Variants in PEBP4 observed in about 807,000 individuals in gnomAD.
PEBP4 encodes the protein phosphatidylethanolamine-binding protein 4.
Under a neutral mutation model 23.9 loss-of-function variants are expected in PEBP4, and 22 were observed. The observed-to-expected ratio is 0.92, with a 90% CI of 0.66 to 1.31. The LOEUF (loss-of-function observed/expected upper bound fraction) is 1.31. PEBP4 is among the 40% of genes most tolerant of loss of function. The pLI is 0.00. For missense variants in PEBP4, 324 were observed against 281.7 expected, an observed-to-expected ratio of 1.15 and a Z score of -1.07; for synonymous variants, 112 against 99.3, an observed-to-expected ratio of 1.13 and a Z score of -0.76.
At chr8:22,780,087 C>T (rs1204789743) in intron 4 of PEBP4, among the ~76,000 whole-genome samples, 1 of 151,904 alleles carries the variant, frequency 6.6e-6, no homozygotes, top group African/African-American at 2.4e-5. Flanking sequence ...TAGCTGGGAC[C>T]ACAGGTGCTG....
intron 4 of PEBP4, among the ~76,000 whole-genome samples, chr8:22,808,588 G>A (rs1181041810): frequency 1.3e-5 from 2 of 152,220 alleles, no homozygotes; most frequent in Non-Finnish European, 2.9e-5. Flanking sequence ...GACTAACTCA[G>A]TCTGGGGGTG....
intron 1 of PEBP4, among the ~76,000 whole-genome samples, chr8:22,933,108 T>C: frequency 6.6e-6 from 1 of 152,006 alleles, no homozygotes; most frequent in Admixed American, 6.6e-5. Context: ...AAGCCCCAGC[T>C]CTTCCTTAAA....
At chr8:22,885,595 A>T (rs1384812491) in intron 3 of PEBP4, 1 of 152,230 alleles carries the variant, frequency 6.6e-6, no homozygotes, top group African/African-American at 2.4e-5. Context: ...CTTCCGTTTC[A>T]GTGTGAAAAA....
At chr8:22,744,089 C>CA (rs1161279730) in intron 4 of PEBP4, among the ~76,000 whole-genome samples, 1 of 152,210 alleles carries the variant, frequency 6.6e-6, no homozygotes, top group Non-Finnish European at 1.5e-5. Context: ...CTGAGAGACT[C>CA]AAGTTGTTCT....
At chr8:22,913,613 C>T (rs1192674824) in intron 3 of PEBP4, among the ~76,000 whole-genome samples, 1 of 152,152 alleles carries the variant, frequency 6.6e-6, no homozygotes, top group African/African-American at 2.4e-5. Context: ...GAAGCATCTC[C>T]GGCACCTCCC....
At chr8:22,779,323 C>A (rs1805873125) in intron 4 of PEBP4, among the ~76,000 whole-genome samples, 6 of 152,106 alleles carry the variant, frequency 3.9e-5, no homozygotes. Context: ...CTGTTATTGG[C>A]CTCAATTTAC....
At chr8:22,833,807 A>T (rs898989978) in intron 3 of PEBP4, among the ~76,000 whole-genome samples, 31 of 152,212 alleles carry the variant, frequency 2.0e-4, no homozygotes, top group African/African-American at 7.2e-4. Context: ...GCTGGGCCCC[A>T]CTGGGTGGAG....
At position 22,912,900 on chromosome 8, in the gene PEBP4, G is replaced by A. The variant is rs913566084; in HGVS notation, c.258+7284C>T. On this transcript the variant is annotated intron_variant, in intron 3 of 6. Transcript: ENST00000256404. ...ATTCGTCCTTGCCTGGGTGCTGCGC[G>A]CCCTCCTCACCTGCCTTCCCACACC... 6.6e-5 allele frequency among the ~76,000 whole-genome samples: 10 copies of A among 152,100 alleles called. No homozygotes were observed. The East Asian group carries it at 7.7e-4, about 12-fold the overall frequency.
chr8:22,822,659 C>T (rs1806885420), intron 3 of PEBP4, among the ~76,000 whole-genome samples: 2 of 152,116 alleles, frequency 1.3e-5, no homozygotes, highest in South Asian at 2.1e-4. Context: ...GTACTTTCTA[C>T]ATATTAATAA....
At chr8:22,773,178 GTT>G (rs993709854) in intron 4 of PEBP4, among the ~76,000 whole-genome samples, 7 of 152,162 alleles carry the variant, frequency 4.6e-5, no homozygotes, top group Non-Finnish European at 8.8e-5. Context: ...GCACTAATTG[GTT>G]TTCCTCTGGC....
intron 3 of PEBP4, among the ~76,000 whole-genome samples, chr8:22,896,731 A>C (rs993327787): frequency 7.2e-5 from 11 of 152,164 alleles, no homozygotes; most frequent in African/African-American, 2.4e-4. Flanking sequence ...ACTTATGATA[A>C]GGCAGAATTT....
At chr8:22,886,852 A>G (rs1808388566) in intron 3 of PEBP4, 1 of 152,334 alleles carries the variant, frequency 6.6e-6, no homozygotes, top group African/African-American at 2.4e-5. Context: ...AGCAGTTAGC[A>G]GCACTGTCTG....
chr8:22,940,716 C>T (rs1369880351), intron 1 of PEBP4, among the ~76,000 whole-genome samples: 1 of 152,092 alleles, frequency 6.6e-6, no homozygotes, highest in Non-Finnish European at 1.5e-5. Flanking sequence ...GTCTTGATCT[C>T]CTGACCTCGT....
intron 2 of PEBP4, chr8:22,925,305 C>T: frequency 3.0e-6 from 3 of 985,188 alleles, no homozygotes; most frequent in Non-Finnish European, 2.4e-6. Flanking sequence ...TGAGAATGGG[C>T]CCCCTTGACT....
At chr8:22,722,294 G>A (rs1328410554) in intron 6 of PEBP4, among the ~76,000 whole-genome samples, 2 of 152,046 alleles carry the variant, frequency 1.3e-5, no homozygotes, top group Non-Finnish European at 2.9e-5. Flanking sequence ...CCTCCCCATG[G>A]CCTCAGGGCC....
intron 2 of PEBP4, among the ~76,000 whole-genome samples, chr8:22,923,174 T>G (rs1809248196): frequency 6.6e-6 from 1 of 152,178 alleles, no homozygotes; most frequent in Non-Finnish European, 1.5e-5. Flanking sequence ...TTGGCTGCAC[T>G]TTCTTCCCCG....
At chr8:22,722,182 TAA>T (rs5890069) in intron 6 of PEBP4, among the ~76,000 whole-genome samples, 16 of 148,616 alleles carry the variant, frequency 1.1e-4, no homozygotes, top group Non-Finnish European at 6.0e-5. Context: ...TTTTCTCACT[TAA>T]AAAAAAAAAA....
chr8:22,899,489 T>C (rs1352567047), intron 3 of PEBP4, among the ~76,000 whole-genome samples: 2 of 151,912 alleles, frequency 1.3e-5, no homozygotes, highest in African/African-American at 2.4e-5. Context: ...GCAAAAGAAG[T>C]GTGTTGGTTA....
rs185173239 is a variant in PEBP4 at position 22,756,593 on chromosome 8, G to A, written c.358-29373C>T. ...GGGGAAGCAAGCCTTTTCTAGATGC[G>A]TCCAGCCCCCAATCTTTGCATCCCT... On this transcript the variant is annotated intron_variant, in intron 4 of 6. Transcript: ENST00000256404. Among the ~76,000 whole-genome samples, 481 of 152,234 alleles carry A rather than the reference G, an allele frequency of 3.2e-3. 1 individual carries two copies. The highest frequency in any genetic ancestry group is 3.9e-3 in the Non-Finnish European group (268 of 68,028).
Sources: gnomAD v4.1 joint callset for allele counts (sites outside exome capture counted in the v4.1 genomes callset) on GRCh38, gnomAD v4.1.1 for gene constraint, MANE v1.5 for transcripts, NCBI Gene and HGNC (gene_info 2026-07-23, HGNC 2026-07-21) for gene names.